The following DNAH12 variants were observed in gnomAD, a reference collection of about 807,000 sequenced individuals.
DNAH12 encodes dynein axonemal heavy chain 12.
In DNAH12, 285 loss-of-function variants were observed where a neutral mutation model predicts 371.5. The ratio of observed to expected loss-of-function variants is 0.77; its 90% CI spans 0.70 to 0.85. The LOEUF (loss-of-function observed/expected upper bound fraction) is 0.85. DNAH12 is among the 40% of genes least tolerant of loss of function. The probability of loss-of-function intolerance (pLI) is 0.00; values close to 1 mark genes in which losing one functional copy is unlikely to be tolerated. For synonymous variants in DNAH12, 1,200 were observed against 1,213.0 expected (o/e 0.99, Z 0.22); for missense variants, 3,611 against 3,689.4 (o/e 0.98, Z 0.55).
Position 57,428,818 on chromosome 3 carries a change from C to A in DNAH12, c.5068G>T (p.Ala1690Ser). 1 of 1,519,340 alleles carries A rather than the reference C, an allele frequency of 6.6e-7. No homozygotes were observed. Among genetic ancestry groups the A allele is most frequent in the Admixed American group, 2.4e-5 (1 of 41,620 alleles). The allele number at this position is 1,519,340 out of a possible 1,614,324, so 94.1% of individuals were successfully genotyped here. A position where few individuals can be genotyped will look rare whatever the true frequency, so the allele number is the denominator to read the frequency against. Residue 1690 changes from alanine (A) to serine (S), a missense_variant, in exon 34 of 74, where the codon GCC (alanine) becomes TCC (serine). Ala to Ser is a moderately conservative substitution (Grantham distance 99). Transcript: ENST00000495027. The stretch of plus-strand genomic sequence containing the variant: ...ATCATACCACAACGACTTACAGTGG[C>A]AGGCTAGAGAAAAAAGGCAACTTTT... The part of the protein sequence containing the change: ...ETMDLSQASP[A>S]TVSRCGMIYL...
At chr3:57,329,085 T>C (rs1385679490) in intron 62 of DNAH12, among the ~76,000 whole-genome samples, 2 of 149,096 alleles carry the variant, frequency 1.3e-5, no homozygotes, top group Admixed American at 6.7e-5. Flanking sequence ...TGGAGGAACA[T>C]TCCATGCTCA....
chr3:57,547,207 CATATATAGAT>C (rs986413386), upstream of DNAH12, among the ~76,000 whole-genome samples: 25 of 88,528 alleles, frequency 2.8e-4, no homozygotes, highest in African/African-American at 1.1e-3. Context: ...TACACACACA[CATATATAGAT>C]ATAGATATAG....
chr3:57,472,406 A>G (rs1197284442), intron 14 of DNAH12, 140 bp downstream of exon 14: 7 of 1,050,572 alleles, frequency 6.7e-6, no homozygotes, highest in East Asian at 5.4e-5. Context: ...CTAGAGGGCC[A>G]TAAGTGTGGC....
chr3:57,296,278 C>A, intron 72 of DNAH12, 66 bp downstream of exon 72: 1 of 1,228,206 alleles, frequency 8.1e-7, no homozygotes, highest in Non-Finnish European at 1.1e-6. Flanking sequence ...TTTTAAGCAA[C>A]AGATTGCTTA....
intron 39 of DNAH12, among the ~76,000 whole-genome samples, chr3:57,412,794 C>G (rs1372549846): frequency 2.0e-5 from 3 of 152,110 alleles, no homozygotes; most frequent in African/African-American, 7.2e-5. Context: ...TACCAAATGC[C>G]AGAGAAGACG....
chr3:57,343,014 G>T (rs993195418), intron 60 of DNAH12, among the ~76,000 whole-genome samples: 3 of 152,022 alleles, frequency 2.0e-5, no homozygotes, highest in African/African-American at 4.8e-5. Flanking sequence ...GGAGGTTGCA[G>T]TGAGCCAAGA....
At chr3:57,346,166 A>C (rs921542218) in intron 60 of DNAH12, among the ~76,000 whole-genome samples, 5 of 152,178 alleles carry the variant, frequency 3.3e-5, no homozygotes, top group African/African-American at 9.6e-5. Flanking sequence ...CAAAAAATAC[A>C]TACAATTATT....
intron 45 of DNAH12, among the ~76,000 whole-genome samples, chr3:57,391,230 T>A (rs1262940726): frequency 1.3e-5 from 2 of 152,210 alleles, no homozygotes; most frequent in Admixed American, 6.5e-5. Context: ...CCCTCCCTAA[T>A]GTCAGTGGGC....
chr3:57,548,895 T>C (rs1165406094), upstream of DNAH12: 2 of 152,216 alleles, frequency 1.3e-5, no homozygotes, highest in Non-Finnish European at 2.9e-5. Flanking sequence ...AAGATTACCA[T>C]GGTGCCTGCA....
intron 45 of DNAH12, among the ~76,000 whole-genome samples, chr3:57,391,333 C>T (rs2063618324): frequency 6.6e-6 from 1 of 152,274 alleles, no homozygotes; most frequent in African/African-American, 2.4e-5. Context: ...TGCCTTCAAG[C>T]TAAGACATTA....
chr3:57,331,746 A>G (rs1296045164), intron 62 of DNAH12, among the ~76,000 whole-genome samples: 3 of 142,028 alleles, frequency 2.1e-5, no homozygotes, highest in Non-Finnish European at 4.7e-5. Context: ...TCCTCAAACA[A>G]ACCTTAGTTA....
At chr3:57,420,777 C>T (rs928453943) in intron 36 of DNAH12, among the ~76,000 whole-genome samples, 5 of 151,978 alleles carry the variant, frequency 3.3e-5, no homozygotes, top group Middle Eastern at 3.4e-3. Flanking sequence ...GGCGTGGTGG[C>T]GGGCACCTGT....
In DNAH12 at chr3:57,413,728, A is replaced by C; in HGVS notation, c.6020+18T>G. ...CTGAGGTATAACTTCAGCATAACTT[A>C]TCGAATTAAATAGTTACCAATGTCC... On this transcript the variant is annotated intron_variant, in intron 39 of 73. Transcript: ENST00000495027. The C allele has an allele frequency of 6.5e-7, 1 of 1,544,670 alleles. No homozygotes were observed. Among genetic ancestry groups the C allele is most frequent in the Non-Finnish European group, 8.7e-7 (1 of 1,144,832 alleles).
At chr3:57,337,164 TATA>T (rs1487634226) in intron 60 of DNAH12, among the ~76,000 whole-genome samples, 1 of 152,116 alleles carries the variant, frequency 6.6e-6, no homozygotes, top group African/African-American at 2.4e-5. Context: ...AATAACATTA[TATA>T]ATAATAAGGG....
At chr3:57,440,181 T>C (rs560044336) in intron 29 of DNAH12, among the ~76,000 whole-genome samples, 267 of 152,314 alleles carry the variant, frequency 1.8e-3, no homozygotes, top group African/African-American at 5.8e-3. Flanking sequence ...ACTGGGTATA[T>C]ATCCAAAAGA....
chr3:57,411,455 A>C (rs1477242650), intron 39 of DNAH12, among the ~76,000 whole-genome samples: 1 of 143,644 alleles, frequency 7.0e-6, no homozygotes, highest in Admixed American at 7.3e-5. Context: ...TTGAACCCAG[A>C]GGCAGAGGTT....
chr3:57,333,224 C>T (rs1234078226), intron 62 of DNAH12, among the ~76,000 whole-genome samples: 4 of 151,568 alleles, frequency 2.6e-5, no homozygotes, highest in East Asian at 1.9e-4. Context: ...CTCAGCTTCC[C>T]GAGCTCGAAC....
chr3:57,307,195 C>T (rs956548410), intron 69 of DNAH12, among the ~76,000 whole-genome samples: 1 of 150,520 alleles, frequency 6.6e-6, no homozygotes, highest in Non-Finnish European at 1.5e-5. Flanking sequence ...TACAAAACAA[C>T]AACTCCTTTC....
In DNAH12 at chr3:57,433,391, G is replaced by A; in HGVS notation, c.4956C>T (p.Asn1652=). ...CCTTTTTATTATCATCCAATACTGT[G>A]TTCATGCTCTCTATCCACAAAGTGT... ...PIDTLWIESM[N]TVLDDNKKLC... Residue 1652 remains asparagine, a synonymous_variant, in exon 32 of 74, where the codon AAC becomes AAT. Transcript: ENST00000495027. The A allele has an allele frequency of 6.4e-7, 1 of 1,551,164 alleles. No homozygotes were observed. The highest frequency in any genetic ancestry group is 1.2e-5 in the South Asian group (1 of 83,962).
Sources: gnomAD v4.1 joint callset for allele counts (sites outside exome capture counted in the v4.1 genomes callset) on GRCh38, gnomAD v4.1.1 for gene constraint, MANE v1.5 for transcripts, NCBI Gene and HGNC (gene_info 2026-07-23, HGNC 2026-07-21) for gene names.